Variants in CEP83 observed in about 807,000 individuals in gnomAD.
The protein encoded by CEP83 is centrosomal protein of 83 kDa.
A neutral mutation model predicts 101.9 loss-of-function variants in CEP83; 70 were observed. The observed-to-expected ratio is 0.69, with a 90% CI of 0.57 to 0.84. The LOEUF (loss-of-function observed/expected upper bound fraction) is 0.84, where lower values mean the gene tolerates loss of function less well. Among genes scored for constraint, CEP83 ranks in the 40% least tolerant of loss-of-function variants. The probability of loss-of-function intolerance (pLI) is 0.00; values close to 1 mark genes in which losing one functional copy is unlikely to be tolerated. For synonymous variants in CEP83, 264 were observed against 267.9 expected (o/e 0.99, Z 0.14); for missense variants, 715 against 787.2 (o/e 0.91, Z 1.10).
chr12:94,340,250 G>A (rs1467775555), intron 11 of CEP83, among the ~76,000 whole-genome samples: 1 of 152,118 alleles, frequency 6.6e-6, no homozygotes, highest in Non-Finnish European at 1.5e-5. Flanking sequence ...CTTTCCCTTG[G>A]TTATTGCTAT....
At chr12:94,395,970 C>A (rs1023195716) in intron 6 of CEP83, among the ~76,000 whole-genome samples, 1 of 152,156 alleles carries the variant, frequency 6.6e-6, no homozygotes, top group Non-Finnish European at 1.5e-5. Flanking sequence ...AACTCAGTGA[C>A]CTGTCATTAT....
At position 94,400,759 on chromosome 12, in the gene CEP83, C is replaced by T. The variant is rs573603715; in HGVS notation, c.549+91G>A. Reference sequence around the variant, plus strand: ...CCATTAATGAATAAAACTATACAATCGACTCTAATTTGAAATTTTTAAAAA... The same window carrying T: ...CCATTAATGAATAAAACTATACAATTGACTCTAATTTGAAATTTTTAAAAA... On this transcript the variant is annotated intron_variant, in intron 6 of 16. Coordinates refer to ENST00000397809, the MANE Select transcript of CEP83 (RefSeq NM_016122.3). 1.0e-4 allele frequency: 71 copies of T among 683,096 alleles called. No homozygotes were observed. The African/African-American group carries it at 1.2e-3, about 11-fold the overall frequency. The allele number at this position is 683,096 out of a possible 1,614,324, so 42.3% of individuals were successfully genotyped here.
chr12:94,355,669 C>T (rs2060432443), intron 11 of CEP83, among the ~76,000 whole-genome samples: 3 of 152,170 alleles, frequency 2.0e-5, no homozygotes, highest in African/African-American at 7.2e-5. Flanking sequence ...TGTAACATGT[C>T]CATAATGGCC....
At chr12:94,324,923 G>A (rs1329157251) in intron 14 of CEP83, among the ~76,000 whole-genome samples, 1 of 152,122 alleles carries the variant, frequency 6.6e-6, no homozygotes, top group Non-Finnish European at 1.5e-5. Flanking sequence ...CTGAAGTCAT[G>A]GCATAAATTT....
intron 6 of CEP83, among the ~76,000 whole-genome samples, chr12:94,400,103 T>C (rs1049620297): frequency 1.3e-5 from 2 of 152,238 alleles, no homozygotes; most frequent in Non-Finnish European, 2.9e-5. Context: ...GCAATAAATT[T>C]AAAATGTAGA....
At chr12:94,298,159 G>C in the CEP83 span, among the ~76,000 whole-genome samples, 1 of 152,228 alleles carries the variant, frequency 6.6e-6, no homozygotes, top group Non-Finnish European at 1.5e-5. Flanking sequence ...ATAGAGCCCA[G>C]CCTATTTGGC....
At chr12:94,349,526 A>T (rs1031409361) in intron 11 of CEP83, among the ~76,000 whole-genome samples, 2 of 152,222 alleles carry the variant, frequency 1.3e-5, no homozygotes, top group Non-Finnish European at 2.9e-5. Flanking sequence ...AAAATGCATG[A>T]TCATCTCAAC....
intron 11 of CEP83, among the ~76,000 whole-genome samples, chr12:94,343,011 CA>C (rs1240705721): frequency 4.0e-5 from 6 of 151,536 alleles, no homozygotes; most frequent in Non-Finnish European, 7.4e-5. Context: ...AAAAAATAAG[CA>C]AGTATACAGA....
chr12:94,375,969 G>T lies in CEP83; in HGVS notation c.850C>A (p.Leu284Ile). ...NLRAERLEKE[L>I]QSSSEQNTFL... is the part of the protein sequence containing the mutation. ...GTATTTTGTTCACTGCTTGATTGTA[G>T]CTCTTTTTCCAAACGTTCTGCCCGT... Residue 284 changes from leucine (L) to isoleucine (I), a missense_variant, in exon 8 of 17, where the codon CTA becomes ATA. Coordinates refer to ENST00000397809, the MANE Select transcript of CEP83 (RefSeq NM_016122.3). 6.4e-7 allele frequency: 1 copy of T among 1,569,000 alleles called. No homozygotes were observed. Among genetic ancestry groups the T allele is most frequent in the Non-Finnish European group, 8.7e-7 (1 of 1,151,846 alleles).
intron 6 of CEP83, among the ~76,000 whole-genome samples, chr12:94,393,978 CACAA>C (rs2062726802): frequency 6.6e-6 from 1 of 152,088 alleles, no homozygotes; most frequent in Admixed American, 6.6e-5. Context: ...TAAAAGAGGA[CACAA>C]ACAAATGGAA....
At chr12:94,425,293 C>A (rs192484202) in intron 2 of CEP83, among the ~76,000 whole-genome samples, 26 of 152,190 alleles carry the variant, frequency 1.7e-4, no homozygotes, top group Admixed American at 7.8e-4. Context: ...GAAATGGGGA[C>A]TGAATTAAGA....
the CEP83 span, chr12:94,301,162 G>A: frequency 4.8e-6 from 4 of 830,950 alleles, no homozygotes; most frequent in Non-Finnish European, 7.2e-6. Flanking sequence ...AACTACACCA[G>A]CTAAAAAGAG....
At chr12:94,345,013 A>C (rs1040335869) in intron 11 of CEP83, among the ~76,000 whole-genome samples, 7 of 152,204 alleles carry the variant, frequency 4.6e-5, no homozygotes, top group African/African-American at 1.7e-4. Context: ...TCACACCTGT[A>C]ATTCAGTGAG....
the CEP83 span, among the ~76,000 whole-genome samples, chr12:94,275,844 G>A: frequency 1.5e-3 from 172 of 114,738 alleles, 16 homozygotes; most frequent in African/African-American, 5.2e-3. Context: ...GACAGAGCGA[G>A]ACTCCGTCTC....
the CEP83 span, among the ~76,000 whole-genome samples, chr12:94,290,560 G>A: frequency 6.6e-6 from 1 of 152,266 alleles, no homozygotes; most frequent in Non-Finnish European, 1.5e-5. Flanking sequence ...AGCAGTTGGA[G>A]GCCTCTGGCC....
At chr12:94,309,894 T>C (rs751581840) in intron 16 of CEP83, 24 bp downstream of exon 16, 48 of 1,366,896 alleles carry the variant, frequency 3.5e-5, no homozygotes, top group African/African-American at 8.8e-5. Context: ...ACTTTTTTTT[T>C]CCCCCTAAAA....
chr12:94,301,890 C>G (rs1968499169), downstream of CEP83, among the ~76,000 whole-genome samples: 1 of 152,198 alleles, frequency 6.6e-6, no homozygotes, highest in Admixed American at 6.5e-5. Flanking sequence ...CTTCCAACCT[C>G]TATCCCCAAA....
Position 94,423,705 on chromosome 12 carries a change from C to T in CEP83, c.-101-11114G>A, listed in dbSNP as rs960079695. The T allele has an allele frequency of 3.3e-5, 53 of 1,604,332 alleles. No homozygotes were observed. In the Middle Eastern group the frequency reaches 1.4e-3, roughly 44 times the overall value. On this transcript the variant is annotated intron_variant, in intron 2 of 16. Transcript: ENST00000397809. ...GGGAGCATGAGTATCTCCAAGAATTCATTTCTACTCAGTAAAGATGGGGAG... is the reference window on the plus strand; with the variant it reads ...GGGAGCATGAGTATCTCCAAGAATTTATTTCTACTCAGTAAAGATGGGGAG...
chr12:94,360,741 G>GA (rs1052281119), intron 11 of CEP83, among the ~76,000 whole-genome samples: 9 of 148,618 alleles, frequency 6.1e-5, no homozygotes, highest in East Asian at 3.9e-4. Context: ...CACAGAAATT[G>GA]AAAAAAAAAA....
Sources: gnomAD v4.1 joint callset for allele counts (sites outside exome capture counted in the v4.1 genomes callset) on GRCh38, gnomAD v4.1.1 for gene constraint, MANE v1.5 for transcripts, NCBI Gene and HGNC (gene_info 2026-07-23, HGNC 2026-07-21) for gene names.